The following PLEKHJ1 variants were observed in gnomAD, a reference collection of about 807,000 sequenced individuals.
The protein encoded by PLEKHJ1 is pleckstrin homology domain-containing family J member 1.
PLEKHJ1 carries 20 observed loss-of-function variants against 21.7 expected under a neutral mutation model. The ratio of observed to expected loss-of-function variants is 0.92; its 90% CI spans 0.65 to 1.34. The LOEUF (loss-of-function observed/expected upper bound fraction) is 1.34, where lower values mean the gene tolerates loss of function less well. Ranked by LOEUF, PLEKHJ1 falls within the 40% of genes most tolerant of loss-of-function variation. The pLI, the probability that PLEKHJ1 is intolerant of heterozygous loss-of-function variation, is 0.00. For missense variants in PLEKHJ1, 241 were observed against 202.0 expected, an observed-to-expected ratio of 1.19 and a Z score of -1.17; for synonymous variants, 113 against 80.6, an observed-to-expected ratio of 1.40 and a Z score of -2.15.
chr19:2,236,082 C>A, intron 1 of PLEKHJ1, 73 bp downstream of exon 1: 12 of 1,414,276 alleles, frequency 8.5e-6, no homozygotes, highest in Non-Finnish European at 1.1e-5. Context: ...CTCCGGCCTC[C>A]GGCACCCCCG....
chr19:2,231,443 G>C (rs1360224617), downstream of PLEKHJ1: 7 of 205,500 alleles, frequency 3.4e-5, no homozygotes, highest in Non-Finnish European at 6.0e-5. Flanking sequence ...TCCTGTGTGG[G>C]AGGGCCTGAA....
At chr19:2,234,098 C>T in intron 4 of PLEKHJ1, 37 bp from the exon 5 acceptor site, 1 of 1,612,970 alleles carries the variant, frequency 6.2e-7, no homozygotes, top group Non-Finnish European at 8.5e-7. Context: ...AATGCCCGCT[C>T]TGCATGGCTG....
downstream of PLEKHJ1, chr19:2,231,699 C>G (rs2024605550): frequency 4.7e-6 from 1 of 213,648 alleles, no homozygotes; most frequent in Non-Finnish European, 9.5e-6. Context: ...TCGCCACGGG[C>G]CGGATACGCC....
downstream of PLEKHJ1, among the ~76,000 whole-genome samples, chr19:2,232,878 T>G (rs1441330208): frequency 1.3e-5 from 2 of 152,196 alleles, no homozygotes; most frequent in African/African-American, 4.8e-5. Flanking sequence ...TCACATCAGA[T>G]GGACCAAAGC....
downstream of PLEKHJ1, chr19:2,231,730 G>C (rs371971765): frequency 4.7e-6 from 1 of 213,402 alleles, no homozygotes; most frequent in Non-Finnish European, 9.5e-6. Context: ...TGGCAGAGAC[G>C]GCCGAGTCCC....
chr19:2,230,344 C>A, downstream of PLEKHJ1: 1 of 413,706 alleles, frequency 2.4e-6, no homozygotes. Context: ...TGAGCCCCTT[C>A]CTGAGCGCCC....
At chr19:2,230,620 GGAGA>G, downstream of PLEKHJ1, 2 of 398,648 alleles carry the variant, frequency 5.0e-6, no homozygotes, top group East Asian at 3.6e-5. Context: ...TTTCTGTACA[GGAGA>G]GAGTCACACT....
At chr19:2,232,249 G>A (rs1305813367), downstream of PLEKHJ1, 1 of 218,872 alleles carries the variant, frequency 4.6e-6, no homozygotes, top group Non-Finnish European at 9.2e-6. Flanking sequence ...CTCGGCCCAT[G>A]AGGCACGCAC....
intron 3 of PLEKHJ1, 156 bp from the exon 4 acceptor site, chr19:2,234,396 T>C: frequency 1.7e-6 from 1 of 600,546 alleles, no homozygotes; most frequent in South Asian, 2.1e-5. Context: ...ATAAACAGGG[T>C]CTTTGCATAT....
chr19:2,235,922 C>T lies in PLEKHJ1; in HGVS notation c.162+1G>A, dbSNP rs1271591671. ...CGCCCGCGCGCCCGGGACGCCCCTACCTCGGCCTCGTCTGTCCGAAAGTAG... is the reference window on the plus strand; with the variant it reads ...CGCCCGCGCGCCCGGGACGCCCCTATCTCGGCCTCGTCTGTCCGAAAGTAG... On this transcript the variant is annotated splice_donor_variant, in intron 2 of 5. Transcript: ENST00000326631. LOFTEE classifies it high-confidence loss of function. The T allele has an allele frequency of 1.9e-6, 3 of 1,609,354 alleles. No homozygotes were observed. The highest frequency in any genetic ancestry group is 2.2e-5 in the East Asian group (1 of 44,776).
intron 1 of PLEKHJ1, 72 bp from the exon 2 acceptor site, chr19:2,236,062 C>T: frequency 6.9e-7 from 1 of 1,446,920 alleles, no homozygotes; most frequent in South Asian, 1.4e-5. Context: ...CCCCGGCGCC[C>T]CGACCCGGAC....
chr19:2,236,000 C>T lies in PLEKHJ1; in HGVS notation c.95-10G>A, dbSNP rs778664856. On this transcript the variant is annotated splice_polypyrimidine_tract_variant and intron_variant, in intron 1 of 5. Coordinates refer to ENST00000326631, the MANE Select transcript of PLEKHJ1 (RefSeq NM_018049.3). ...AGCCGCCGCTTCAGCACTGCGGGCACAGCGCGCACTCAGGGGCGCAGGCAG... is the reference window on the plus strand; with the variant it reads ...AGCCGCCGCTTCAGCACTGCGGGCATAGCGCGCACTCAGGGGCGCAGGCAG... The T allele has an allele frequency of 6.2e-7, 1 of 1,604,170 alleles. No homozygotes were observed. The highest frequency in any genetic ancestry group is 2.3e-5 in the East Asian group (1 of 43,560).
rs571421256 is a variant in PLEKHJ1 at position 2,235,958 on chromosome 19, T to C, written c.127A>G (p.Asn43Asp). Residue 43 changes from asparagine to aspartate, a missense_variant, in exon 2 of 6, where the codon AAT (asparagine) becomes GAT (aspartate). Transcript: ENST00000326631. ...LKRRLVKLVVNFLFYFRTDEA... is the reference protein window; with the variant it reads ...LKRRLVKLVVDFLFYFRTDEA... The stretch of plus-strand genomic sequence containing the variant: ...TCTGTCCGAAAGTAGAAGAGGAAAT[T>C]CACCACCAGCTTCACCAGCCGCCGC... The C allele has an allele frequency of 6.2e-7, 1 of 1,610,386 alleles. No homozygotes were observed. Among genetic ancestry groups the C allele is most frequent in the Admixed American group, 1.7e-5 (1 of 59,902 alleles).
chr19:2,236,260 G>A lies in PLEKHJ1; in HGVS notation c.-12C>T, dbSNP rs1599648069. ...TCGTTGTACCGCATGGCTCCGCGGG[G>A]AACGGGAACCCGGGCCGCGCCCTCC... On this transcript the variant is annotated 5_prime_UTR_variant, in exon 1 of 6. Coordinates refer to ENST00000326631, the MANE Select transcript of PLEKHJ1 (RefSeq NM_018049.3). 2.9e-6 allele frequency: 4 copies of A among 1,371,300 alleles called. No individual in the cohort carries two copies. Among genetic ancestry groups the A allele is most frequent in the Non-Finnish European group, 3.8e-6 (4 of 1,062,712 alleles). The allele number at this position is 1,371,300 out of a possible 1,614,324, so 84.9% of individuals were successfully genotyped here.
Position 2,236,141 on chromosome 19 carries a change from C to A in PLEKHJ1, c.94+14G>T. ...CGCCCCTGGCACTGTCTCGGTCTCC[C>A]GGGTCCCGCTCACCGCTGCCCTTCT... On this transcript the variant is annotated intron_variant, in intron 1 of 5. Transcript: ENST00000326631. The A allele has an allele frequency of 1.4e-6, 2 of 1,471,064 alleles. No homozygotes were observed. Among genetic ancestry groups the A allele is most frequent in the Non-Finnish European group, 1.8e-6 (2 of 1,113,268 alleles). The allele number at this position is 1,471,064 out of a possible 1,614,324, so 91.1% of individuals were successfully genotyped here.
chr19:2,236,091 C>A (rs1042810021), intron 1 of PLEKHJ1, 64 bp downstream of exon 1: 46 of 1,405,458 alleles, frequency 3.3e-5, no homozygotes, highest in Non-Finnish European at 4.3e-5. Context: ...CCGGCACCCC[C>A]GCCCAGACCC....
Position 2,236,222 on chromosome 19 carries a change from C to CT in PLEKHJ1, c.26dup (p.Ala10GlyfsTer71). ...TCTCGGCCGGCTGCCGGGACAGAGC[C>CT]TGCAGCTCCTTCTCGTTGTACCGCA... On this transcript the variant is annotated frameshift_variant, in exon 1 of 6. Coordinates refer to ENST00000326631, the MANE Select transcript of PLEKHJ1 (RefSeq NM_018049.3). LOFTEE classifies it high-confidence loss of function. 6.8e-7 allele frequency: 1 copy of CT among 1,464,846 alleles called. No individual in the cohort carries two copies. Among genetic ancestry groups the CT allele is most frequent in the East Asian group, 2.9e-5 (1 of 34,260 alleles). The allele number at this position is 1,464,846 out of a possible 1,614,324, so 90.7% of individuals were successfully genotyped here. A position where few individuals can be genotyped will look rare whatever the true frequency, so the allele number is the denominator to read the frequency against.
At position 2,233,177 on chromosome 19, in the gene PLEKHJ1, G is replaced by A. The variant is rs2024671610; in HGVS notation, c.*663C>T. ...GTGTGGAAAAGAGGTACCTTTATTT[G>A]AACAGAACAAGCACCCTGGCCCCAG... On this transcript the variant is annotated 3_prime_UTR_variant, in exon 6 of 6. Coordinates refer to ENST00000326631, the MANE Select transcript of PLEKHJ1 (RefSeq NM_018049.3). 2 of 151,926 alleles carry A rather than the reference G, an allele frequency of 1.3e-5. No homozygotes were observed. Among genetic ancestry groups the A allele is most frequent in the African/African-American group, 4.9e-5 (2 of 40,922 alleles). The allele number at this position is 151,926 out of a possible 1,614,324, so 9.4% of individuals were successfully genotyped here.
In PLEKHJ1 at chr19:2,233,896, C is replaced by A. The variant is rs1276980757; in HGVS notation, c.394G>T (p.Glu132Ter). 10 of 1,612,508 alleles carry A rather than the reference C, an allele frequency of 6.2e-6. No individual in the cohort carries two copies. The highest frequency in any genetic ancestry group is 6.8e-6 in the Non-Finnish European group (8 of 1,179,868). The change falls in exon 6 of 6, where the codon GAA (glutamate) becomes TAA (stop). Residue 132 changes from glutamate (E) to a stop codon, truncating the protein, a stop_gained. Coordinates refer to ENST00000326631, the MANE Select transcript of PLEKHJ1 (RefSeq NM_018049.3). LOFTEE classifies it high-confidence loss of function. ...IRKVTGKDPL[E>*]QFGISEEARF... ...GCCTCCTCGGATATGCCGAACTGTTCCAGGGGGTCCTGTGGGGAGGACGGG... is the reference window on the plus strand; with the variant it reads ...GCCTCCTCGGATATGCCGAACTGTTACAGGGGGTCCTGTGGGGAGGACGGG...
Sources: gnomAD v4.1 joint callset for allele counts (sites outside exome capture counted in the v4.1 genomes callset) on GRCh38, gnomAD v4.1.1 for gene constraint, MANE v1.5 for transcripts, NCBI Gene and HGNC (gene_info 2026-07-23, HGNC 2026-07-21) for gene names.